The following SLIT3 variants were observed in gnomAD, a reference collection of about 807,000 sequenced individuals.
SLIT3 encodes slit guidance ligand 3.
SLIT3 carries 68 observed loss-of-function variants against 184.0 expected under a neutral mutation model. The ratio of observed to expected loss-of-function variants is 0.37; its 90% CI spans 0.30 to 0.45. The LOEUF (loss-of-function observed/expected upper bound fraction) is 0.45, where lower values mean the gene tolerates loss of function less well. Among genes scored for constraint, SLIT3 ranks in the 20% least tolerant of loss-of-function variants. The probability of loss-of-function intolerance (pLI) is 1.00; values close to 1 mark genes in which losing one functional copy is unlikely to be tolerated. For synonymous variants in SLIT3, 831 were observed against 828.6 expected, an observed-to-expected ratio of 1.00 and a Z score of -0.05; for missense variants, 1,707 against 2,026.0, an observed-to-expected ratio of 0.84 and a Z score of 3.02.
intron 4 of SLIT3, among the ~76,000 whole-genome samples, chr5:169,004,589 C>T (rs1419485276): frequency 6.6e-6 from 1 of 152,158 alleles, no homozygotes. Context: ...CTGCGTCTCC[C>T]TAGCTACGTA....
intron 4 of SLIT3, among the ~76,000 whole-genome samples, chr5:169,162,992 TA>T (rs1398440424): frequency 6.6e-6 from 1 of 151,822 alleles, no homozygotes; most frequent in African/African-American, 2.4e-5. Context: ...AATATCTCAA[TA>T]ACAGACAGGA....
chr5:169,014,830 A>G (rs1051835907), intron 4 of SLIT3, among the ~76,000 whole-genome samples: 1 of 152,226 alleles, frequency 6.6e-6, no homozygotes, highest in African/African-American at 2.4e-5. Flanking sequence ...ACATGCCTGT[A>G]GTCTCAGCTA....
At chr5:168,958,973 CT>C in intron 4 of SLIT3, among the ~76,000 whole-genome samples, 2 of 152,382 alleles carry the variant, frequency 1.3e-5, no homozygotes, top group Middle Eastern at 3.4e-3. Flanking sequence ...GCTCCCCCAT[CT>C]CCTATGCATG....
intron 4 of SLIT3, among the ~76,000 whole-genome samples, chr5:169,106,542 A>T (rs79149529): frequency 0.013 from 1,918 of 152,270 alleles, 35 homozygotes; most frequent in African/African-American, 0.044. Flanking sequence ...AACACTCTTT[A>T]AAAAAATCAC....
At chr5:169,051,766 G>A (rs1757823865) in intron 4 of SLIT3, among the ~76,000 whole-genome samples, 3 of 152,206 alleles carry the variant, frequency 2.0e-5, no homozygotes, top group Admixed American at 2.0e-4. Context: ...CTAAATCTGT[G>A]GTTGTTAGGG....
chr5:168,703,031 C>T (rs558656727), intron 26 of SLIT3, among the ~76,000 whole-genome samples: 20 of 152,258 alleles, frequency 1.3e-4, no homozygotes, highest in Admixed American at 9.8e-4. Context: ...GAGGCAGAGC[C>T]TAGCGCTTGA....
chr5:168,962,508 T>C (rs1329840999), intron 4 of SLIT3, among the ~76,000 whole-genome samples: 1 of 151,896 alleles, frequency 6.6e-6, no homozygotes, highest in Non-Finnish European at 1.5e-5. Context: ...AAGCTTTCTA[T>C]ATTCCGTGTG....
At chr5:168,817,166 G>A in intron 8 of SLIT3, 134 bp downstream of exon 8, 5 of 739,438 alleles carry the variant, frequency 6.8e-6, no homozygotes, top group Non-Finnish European at 1.1e-5. Context: ...ACTGAGTACT[G>A]AGGACGACCT....
intron 12 of SLIT3, among the ~76,000 whole-genome samples, chr5:168,785,157 T>A (rs1278483029): frequency 6.7e-6 from 1 of 149,200 alleles, no homozygotes; most frequent in African/African-American, 2.5e-5. Context: ...ACACACACAC[T>A]CCCACACCCA....
intron 4 of SLIT3, among the ~76,000 whole-genome samples, chr5:169,038,620 G>A (rs1222016954): frequency 6.6e-6 from 1 of 152,188 alleles, no homozygotes; most frequent in Non-Finnish European, 1.5e-5. Flanking sequence ...TCCAAGCTCT[G>A]TGTGGGACTG....
intron 19 of SLIT3, among the ~76,000 whole-genome samples, chr5:168,748,690 A>G (rs1264118249): frequency 1.3e-5 from 2 of 152,194 alleles, no homozygotes; most frequent in Admixed American, 6.5e-5. Context: ...CGTTAACCAT[A>G]TCAGGAATAA....
In SLIT3 at chr5:169,181,566, C is replaced by T. The variant is rs557857108; in HGVS notation, c.413+11913G>A. Reference sequence around the variant, plus strand: ...ACCATCCTGGCCAACATGGTGAAACCCTGTCTCTACTAAAAATACAAAAAA... The same window carrying T: ...ACCATCCTGGCCAACATGGTGAAACTCTGTCTCTACTAAAAATACAAAAAA... On this transcript the variant is annotated intron_variant, in intron 4 of 35. Coordinates refer to ENST00000519560, the MANE Select transcript of SLIT3 (RefSeq NM_003062.4). Among the ~76,000 whole-genome samples, 87 of 151,838 alleles carry T rather than the reference C, an allele frequency of 5.7e-4. 1 individual carries two copies. Among genetic ancestry groups the T allele is most frequent in the Non-Finnish European group, 1.2e-3 (81 of 67,980 alleles).
At chr5:169,247,316 C>CA (rs1335019149) in intron 2 of SLIT3, among the ~76,000 whole-genome samples, 3 of 152,114 alleles carry the variant, frequency 2.0e-5, no homozygotes, top group Non-Finnish European at 4.4e-5. Context: ...ACTAGCACGT[C>CA]ACGCTAAATA....
chr5:168,746,819 TGA>T (rs1181845159), intron 20 of SLIT3, among the ~76,000 whole-genome samples: 2 of 51,616 alleles, frequency 3.9e-5, no homozygotes, highest in Non-Finnish European at 7.4e-5. Flanking sequence ...GTGTGGTGTG[TGA>T]GTGTGGTGGT....
intron 20 of SLIT3, among the ~76,000 whole-genome samples, chr5:168,731,584 G>A (rs1008331072): frequency 2.2e-4 from 33 of 151,912 alleles, no homozygotes; most frequent in African/African-American, 8.0e-4. Context: ...GAATCCAAGA[G>A]CACATCAAAA....
At chr5:168,895,611 ATATAGGAGCT>A (rs1458602377) in intron 4 of SLIT3, among the ~76,000 whole-genome samples, 2 of 152,222 alleles carry the variant, frequency 1.3e-5, no homozygotes, top group Admixed American at 6.5e-5. Context: ...CGGATGAAAT[ATATAGGAGCT>A]TAAGCCATTA....
intron 4 of SLIT3, among the ~76,000 whole-genome samples, chr5:169,014,096 A>AGGCAGGCAGGC (rs1756271336): frequency 2.8e-4 from 42 of 150,216 alleles, no homozygotes; most frequent in African/African-American, 4.7e-4. Context: ...TGTGGGAAGG[A>AGGCAGGCAGGC]AGGCAGGCAG....
chr5:169,117,660 G>A (rs1760724652), intron 4 of SLIT3, among the ~76,000 whole-genome samples: 1 of 152,170 alleles, frequency 6.6e-6, no homozygotes, highest in Admixed American at 6.5e-5. Flanking sequence ...AATTCTGTTT[G>A]TTTAAAAAGT....
rs1755481146 is a variant in SLIT3 at position 168,769,819 on chromosome 5, A to G, written c.1459+2962T>C. Among the ~76,000 whole-genome samples the G allele has an allele frequency of 5.9e-5, 9 of 152,212 alleles. No individual in the cohort carries two copies. The South Asian group carries it at 1.7e-3, about 28-fold the overall frequency. ...TTATCAAGAGTCTTCACAGTATGTC[A>G]GAAGTCCTGGGTTTCAGATCTTGCC... On this transcript the variant is annotated intron_variant, in intron 14 of 35. Coordinates refer to ENST00000519560, the MANE Select transcript of SLIT3 (RefSeq NM_003062.4).
Sources: gnomAD v4.1 joint callset for allele counts (sites outside exome capture counted in the v4.1 genomes callset) on GRCh38, gnomAD v4.1.1 for gene constraint, MANE v1.5 for transcripts, NCBI Gene and HGNC (gene_info 2026-07-23, HGNC 2026-07-21) for gene names.